Variants in LIN28B observed in about 807,000 individuals in gnomAD.
LIN28B encodes the protein protein lin-28 homolog B.
Under a neutral mutation model 21.9 loss-of-function variants are expected in LIN28B, and 5 were observed. That is an observed-to-expected ratio of 0.23 (90% CI 0.12 to 0.48). The LOEUF is 0.48. LIN28B is among the 20% of genes least tolerant of loss of function. The pLI, the probability that LIN28B is intolerant of heterozygous loss-of-function variation, is 0.98. For synonymous variants in LIN28B, 109 were observed against 111.3 expected (o/e 0.98, Z 0.13); for missense variants, 245 against 310.5 (o/e 0.79, Z 1.58).
At chr6:105,004,541 T>G (rs1405885360) in intron 2 of LIN28B, among the ~76,000 whole-genome samples, 2 of 152,210 alleles carry the variant, frequency 1.3e-5, no homozygotes, top group Non-Finnish European at 2.9e-5. Context: ...TTTAAACCAC[T>G]TCTTTCACCA....
chr6:104,964,787 C>G (rs1050520402), intron 2 of LIN28B, among the ~76,000 whole-genome samples: 1 of 152,128 alleles, frequency 6.6e-6, no homozygotes, highest in East Asian at 1.9e-4. Flanking sequence ...CAGGATACAT[C>G]TAATCATTTA....
chr6:104,962,954 T>A (rs1369076586), intron 2 of LIN28B, among the ~76,000 whole-genome samples: 1 of 152,322 alleles, frequency 6.6e-6, no homozygotes, highest in East Asian at 1.9e-4. Context: ...CTACCAGATT[T>A]TTAAGATGAA....
intron 2 of LIN28B, among the ~76,000 whole-genome samples, chr6:105,017,058 G>A (rs1451403125): frequency 3.0e-5 from 3 of 98,608 alleles, no homozygotes; most frequent in Admixed American, 1.5e-4. Flanking sequence ...GAGTGACAAA[G>A]CAAGACTCTG....
chr6:105,001,624 G>A (rs1362872040), intron 2 of LIN28B, among the ~76,000 whole-genome samples: 5 of 152,170 alleles, frequency 3.3e-5, no homozygotes, highest in Non-Finnish European at 5.9e-5. Context: ...GTAAGAGAAC[G>A]GAAGAATTAT....
chr6:104,945,336 T>C (rs538344854), intron 2 of LIN28B, among the ~76,000 whole-genome samples: 1 of 152,226 alleles, frequency 6.6e-6, no homozygotes, highest in African/African-American at 2.4e-5. Context: ...AAAATGTTAA[T>C]TGAAAATATT....
At chr6:105,068,269 T>G (rs1250747202) in intron 3 of LIN28B, among the ~76,000 whole-genome samples, 1 of 152,220 alleles carries the variant, frequency 6.6e-6, no homozygotes, top group Non-Finnish European at 1.5e-5. Context: ...AATACAAAGT[T>G]GTGCACATAG....
intron 3 of LIN28B, among the ~76,000 whole-genome samples, chr6:105,068,820 T>C (rs1442750126): frequency 6.6e-6 from 1 of 152,226 alleles, no homozygotes; most frequent in Non-Finnish European, 1.5e-5. Flanking sequence ...AAGCACAATG[T>C]AGTTTAGATA....
intron 3 of LIN28B, among the ~76,000 whole-genome samples, chr6:105,050,597 A>G (rs1405604034): frequency 4.1e-5 from 4 of 97,232 alleles, no homozygotes; most frequent in Non-Finnish European, 7.5e-5. Context: ...CGACAGAGCG[A>G]GACTCCGTCT....
chr6:105,055,154 C>T (rs1328334518), intron 3 of LIN28B, among the ~76,000 whole-genome samples: 5 of 151,934 alleles, frequency 3.3e-5, no homozygotes, highest in Non-Finnish European at 2.9e-5. Context: ...TATTGTGTTT[C>T]GGTTTCTCTG....
chr6:104,993,799 C>T (rs1477105703), intron 2 of LIN28B, among the ~76,000 whole-genome samples: 5 of 144,832 alleles, frequency 3.5e-5, no homozygotes, highest in African/African-American at 1.0e-4. Flanking sequence ...TGAGTCACTG[C>T]ACTTCCAGCC....
chr6:104,992,115 G>A lies in LIN28B; in HGVS notation c.198+33829G>A, dbSNP rs369410008. Reference sequence around the variant, plus strand: ...AGTTTTGCTCTTGTTGCCCAGGTTGGAGTTCATGCGATCTCGGCTCACCGT... The same window carrying A: ...AGTTTTGCTCTTGTTGCCCAGGTTGAAGTTCATGCGATCTCGGCTCACCGT... On this transcript the variant is annotated intron_variant, in intron 2 of 3. Coordinates refer to ENST00000345080, the MANE Select transcript of LIN28B (RefSeq NM_001004317.4). Among the ~76,000 whole-genome samples, 13 of 152,052 alleles carry A rather than the reference G, an allele frequency of 8.5e-5. No homozygotes were observed. In the East Asian group the frequency reaches 1.4e-3, roughly 16 times the overall value.
intron 2 of LIN28B, among the ~76,000 whole-genome samples, chr6:105,015,426 T>G (rs1771007597): frequency 6.6e-6 from 1 of 152,190 alleles, no homozygotes; most frequent in Admixed American, 6.5e-5. Context: ...AAAGTGGCTC[T>G]TTTGTAGATG....
chr6:105,078,717 GTCATCT>G lies in LIN28B; in HGVS notation c.688_693del (p.Ser230_Ser231del). The G allele has an allele frequency of 6.2e-7, 1 of 1,614,084 alleles. No individual in the cohort carries two copies. The highest frequency in any genetic ancestry group is 1.1e-5 in the South Asian group (1 of 91,076). On this transcript the variant is annotated inframe_deletion, in exon 4 of 4. Coordinates refer to ENST00000345080, the MANE Select transcript of LIN28B (RefSeq NM_001004317.4). ...CACCTCAAGAAGCTTCCTCCACGAAGTCATCTATAGCACCAGAAGAGCAAAGCAAAA... is the reference window on the plus strand; with the variant it reads ...CACCTCAAGAAGCTTCCTCCACGAAGATAGCACCAGAAGAGCAAAGCAAAA...
chr6:105,060,286 TA>T (rs1223376174), intron 3 of LIN28B, among the ~76,000 whole-genome samples: 16 of 149,932 alleles, frequency 1.1e-4, no homozygotes, highest in Admixed American at 6.6e-5. Context: ...TTTGTTGAGA[TA>T]GGGTCTCGCC....
chr6:105,006,530 T>C (rs1273079697), intron 2 of LIN28B, among the ~76,000 whole-genome samples: 1 of 152,224 alleles, frequency 6.6e-6, no homozygotes, highest in African/African-American at 2.4e-5. Context: ...CAGGCTGGTC[T>C]CGAACTCCTG....
chr6:104,981,126 G>T lies in LIN28B; in HGVS notation c.198+22840G>T, dbSNP rs529124781. ...AATTCACCTTAGCCTTTGTTTTTTTGTGTGTGCTATCATTTCCCATCCTTC... is the reference window on the plus strand; with the variant it reads ...AATTCACCTTAGCCTTTGTTTTTTTTTGTGTGCTATCATTTCCCATCCTTC... On this transcript the variant is annotated intron_variant, in intron 2 of 3. Coordinates refer to ENST00000345080, the MANE Select transcript of LIN28B (RefSeq NM_001004317.4). Among the ~76,000 whole-genome samples, 247 of 152,074 alleles carry T rather than the reference G, an allele frequency of 1.6e-3. 4 individuals carry two copies. Among genetic ancestry groups the T allele is most frequent in the Middle Eastern group, 6.8e-3 (2 of 294 alleles).
intron 2 of LIN28B, among the ~76,000 whole-genome samples, chr6:104,995,875 G>T (rs1174087286): frequency 6.6e-6 from 1 of 151,586 alleles, no homozygotes; most frequent in African/African-American, 2.4e-5. Context: ...AGTAGCTTGG[G>T]CTTATATAAT....
At chr6:105,037,151 T>C (rs1399343803) in intron 3 of LIN28B, among the ~76,000 whole-genome samples, 1 of 152,166 alleles carries the variant, frequency 6.6e-6, no homozygotes, top group Non-Finnish European at 1.5e-5. Flanking sequence ...TGAAGACTGA[T>C]CAACAGAAAA....
chr6:104,991,447 A>T (rs1451174054), intron 2 of LIN28B, among the ~76,000 whole-genome samples: 1 of 147,158 alleles, frequency 6.8e-6, no homozygotes, highest in African/African-American at 2.6e-5. Context: ...CCCACATCTC[A>T]GACGATGGGC....
Sources: allele counts gnomAD v4.1 joint callset (sites outside exome capture counted in the v4.1 genomes callset), GRCh38; gene constraint gnomAD v4.1.1; transcripts MANE v1.5; gene names NCBI Gene and HGNC (gene_info 2026-07-23, HGNC 2026-07-21).